RANBP17: variants seen among roughly 807,000 people sequenced by gnomAD.
RANBP17 encodes the protein RAN binding protein 17.
In RANBP17, 158 loss-of-function variants were observed where a neutral mutation model predicts 141.2. That is an observed-to-expected ratio of 1.12 (90% CI 0.98 to 1.28). The LOEUF (loss-of-function observed/expected upper bound fraction) is 1.28, where lower values mean the gene tolerates loss of function less well. Among genes scored for constraint, RANBP17 ranks in the 50% most tolerant of loss-of-function variants. The probability of loss-of-function intolerance (pLI) is 0.00; values close to 1 mark genes in which losing one functional copy is unlikely to be tolerated. For missense variants in RANBP17, 1,438 were observed against 1,290.7 expected, an observed-to-expected ratio of 1.11 and a Z score of -1.75; for synonymous variants, 430 against 450.0, an observed-to-expected ratio of 0.96 and a Z score of 0.56.
intron 24 of RANBP17, among the ~76,000 whole-genome samples, chr5:171,262,050 A>G (rs1766366468): frequency 6.6e-6 from 1 of 152,198 alleles, no homozygotes; most frequent in Non-Finnish European, 1.5e-5. Context: ...TCGTGGCTAA[A>G]GTGTTTACCT....
At chr5:171,095,409 G>A (rs1236860072) in intron 14 of RANBP17, among the ~76,000 whole-genome samples, 1 of 152,102 alleles carries the variant, frequency 6.6e-6, no homozygotes, top group African/African-American at 2.4e-5. Context: ...GACTTTATAT[G>A]GCTGTTGTCA....
At chr5:170,934,777 T>C (rs1180314592) in intron 12 of RANBP17, among the ~76,000 whole-genome samples, 1 of 152,196 alleles carries the variant, frequency 6.6e-6, no homozygotes, top group Admixed American at 6.5e-5. Context: ...CTGACAATTA[T>C]GTGTCTTGGA....
At chr5:171,055,166 A>T (rs943259005) in intron 14 of RANBP17, among the ~76,000 whole-genome samples, 1 of 152,196 alleles carries the variant, frequency 6.6e-6, no homozygotes, top group African/African-American at 2.4e-5. Flanking sequence ...CCAAACTGAT[A>T]TGGGGTTGCT....
intron 14 of RANBP17, among the ~76,000 whole-genome samples, chr5:171,017,381 G>T (rs1335729959): frequency 6.6e-6 from 1 of 152,088 alleles, no homozygotes; most frequent in African/African-American, 2.4e-5. Context: ...CAGCGTAAAA[G>T]CATTCCTGTT....
At chr5:170,900,848 T>C (rs1770577321) in intron 5 of RANBP17, among the ~76,000 whole-genome samples, 7 of 152,204 alleles carry the variant, frequency 4.6e-5, no homozygotes. Flanking sequence ...TAATCCTGAG[T>C]TTTAATTTGA....
At chr5:171,237,134 G>A (rs1480973367) in intron 22 of RANBP17, among the ~76,000 whole-genome samples, 1 of 152,090 alleles carries the variant, frequency 6.6e-6, no homozygotes, top group African/African-American at 2.4e-5. Flanking sequence ...CTTCCTATGT[G>A]TATCCCTCTT....
At chr5:171,040,171 C>T (rs1314421062) in intron 14 of RANBP17, among the ~76,000 whole-genome samples, 1 of 152,124 alleles carries the variant, frequency 6.6e-6, no homozygotes, top group Non-Finnish European at 1.5e-5. Context: ...GTTAGTTCAC[C>T]ATAATCAAGT....
chr5:171,030,124 A>G (rs1781466007), intron 14 of RANBP17, among the ~76,000 whole-genome samples: 1 of 152,070 alleles, frequency 6.6e-6, no homozygotes, highest in African/African-American at 2.4e-5. Context: ...CACTAGGAAG[A>G]AGAGAGATTG....
intron 13 of RANBP17, among the ~76,000 whole-genome samples, chr5:170,966,587 A>C (rs1205947058): frequency 1.3e-5 from 2 of 152,084 alleles, no homozygotes; most frequent in Non-Finnish European, 2.9e-5. Flanking sequence ...AGCCAATATC[A>C]TACTGAATGG....
chr5:171,113,133 A>G (rs1755367108), intron 14 of RANBP17, among the ~76,000 whole-genome samples: 1 of 152,182 alleles, frequency 6.6e-6, no homozygotes, highest in South Asian at 2.1e-4. Context: ...TGCAGGTTGC[A>G]AATCTATCTG....
At chr5:171,193,827 T>C (rs975041213) in intron 18 of RANBP17, among the ~76,000 whole-genome samples, 4 of 152,350 alleles carry the variant, frequency 2.6e-5, no homozygotes, top group Admixed American at 6.5e-5. Context: ...CAGAATACTT[T>C]TCTGTTTTAA....
chr5:171,215,227 C>T (rs1483415893), intron 21 of RANBP17, among the ~76,000 whole-genome samples: 3 of 152,100 alleles, frequency 2.0e-5, no homozygotes, highest in Non-Finnish European at 2.9e-5. Flanking sequence ...CTGCAAAGGA[C>T]ATGAACTCAT....
At chr5:171,071,413 G>GA (rs1784626901) in intron 14 of RANBP17, among the ~76,000 whole-genome samples, 1 of 151,742 alleles carries the variant, frequency 6.6e-6, no homozygotes. Flanking sequence ...ATTTGAAATG[G>GA]AAAAAGAGGA....
intron 14 of RANBP17, among the ~76,000 whole-genome samples, chr5:170,980,880 G>A (rs186849167): frequency 1.3e-5 from 2 of 152,158 alleles, no homozygotes; most frequent in African/African-American, 4.8e-5. Context: ...TAGATCCACT[G>A]ACAGCTTGCA....
At chr5:171,137,257 GT>G (rs1327464747) in intron 14 of RANBP17, among the ~76,000 whole-genome samples, 1 of 152,136 alleles carries the variant, frequency 6.6e-6, no homozygotes, top group East Asian at 1.9e-4. Flanking sequence ...CAATTTGAAA[GT>G]TTTGTAACTC....
intron 14 of RANBP17, among the ~76,000 whole-genome samples, chr5:170,975,536 A>C (rs1777302743): frequency 6.6e-6 from 1 of 152,208 alleles, no homozygotes; most frequent in African/African-American, 2.4e-5. Flanking sequence ...CAAAAAATAA[A>C]AGAAAGAAAT....
chr5:171,028,815 G>C, intron 14 of RANBP17: 1 of 841,736 alleles, frequency 1.2e-6, no homozygotes, highest in South Asian at 1.4e-5. Flanking sequence ...CCTAAGAAAG[G>C]AGAATTCATC....
At chr5:170,937,204 G>C (rs1158790580) in intron 12 of RANBP17, among the ~76,000 whole-genome samples, 1 of 152,090 alleles carries the variant, frequency 6.6e-6, no homozygotes, top group Non-Finnish European at 1.5e-5. Context: ...ATATCACACT[G>C]GTAGTCTGTA....
At chr5:171,161,215 C>T (rs1052924251) in intron 14 of RANBP17, among the ~76,000 whole-genome samples, 3 of 152,214 alleles carry the variant, frequency 2.0e-5, no homozygotes, top group Non-Finnish European at 4.4e-5. Context: ...CATATAACCA[C>T]ATCCAGAATT....
Sources: allele counts gnomAD v4.1 joint callset (sites outside exome capture counted in the v4.1 genomes callset), GRCh38; gene constraint gnomAD v4.1.1; transcripts MANE v1.5; gene names NCBI Gene and HGNC (gene_info 2026-07-23, HGNC 2026-07-21).